MIR2052HG: variants seen among roughly 807,000 people sequenced by gnomAD.
The protein encoded by MIR2052HG is MIR2052 host gene.
chr8:74,682,781 T>G (rs185643321), intron 2 of MIR2052HG, among the ~76,000 whole-genome samples: 2 of 152,138 alleles, frequency 1.3e-5, no homozygotes, highest in African/African-American at 4.8e-5. Context: ...CGAGAAACTC[T>G]TGTTCATGTT....
chr8:74,662,663 T>A (rs1207957240), intron 2 of MIR2052HG, among the ~76,000 whole-genome samples: 1 of 152,212 alleles, frequency 6.6e-6, no homozygotes, highest in Non-Finnish European at 1.5e-5. Context: ...CCAAGGATAA[T>A]TGCTATTTAA....
intron 2 of MIR2052HG, among the ~76,000 whole-genome samples, chr8:74,673,446 T>C (rs1250722634): frequency 6.6e-6 from 1 of 152,024 alleles, no homozygotes; most frequent in African/African-American, 2.4e-5. Flanking sequence ...CCACTCCCAA[T>C]GTTGGCTGCC....
chr8:74,668,856 C>A (rs547325303), intron 2 of MIR2052HG, among the ~76,000 whole-genome samples: 1 of 152,156 alleles, frequency 6.6e-6, no homozygotes, highest in Admixed American at 6.5e-5. Flanking sequence ...AGAAGACTTG[C>A]GGAAGCTCAT....
At chr8:74,659,550 C>G (rs1808839799) in intron 2 of MIR2052HG, among the ~76,000 whole-genome samples, 2 of 152,096 alleles carry the variant, frequency 1.3e-5, no homozygotes, top group African/African-American at 2.4e-5. Context: ...AAGTGATTCT[C>G]TCACCTCAGC....
intron 1 of MIR2052HG, among the ~76,000 whole-genome samples, chr8:74,602,817 G>GTTTCTTTCTTTCTTTCTTTTCTTTCTTTC (rs1808024026): frequency 3.0e-4 from 22 of 73,786 alleles, no homozygotes; most frequent in Non-Finnish European, 3.3e-4. Context: ...GCCCGGCCGT[G>GTTTCTTTCTTTCTTTCTTTTCTTTCTTTC]TTTCTTTCTT....
At position 74,642,160 on chromosome 8, in the gene MIR2052HG, A is replaced by G. The variant is rs377741660; in HGVS notation, n.216+29220A>G. 2.0e-5 allele frequency among the ~76,000 whole-genome samples: 3 copies of G among 152,242 alleles called. No homozygotes were observed. The South Asian group carries it at 6.2e-4, about 32-fold the overall frequency. On this transcript the variant is annotated intron_variant and non_coding_transcript_variant, in intron 2 of 6. Coordinates refer to ENST00000523442, the Ensembl canonical transcript of MIR2052HG. The stretch of plus-strand genomic sequence containing the variant: ...GTCATTAAACTTGCTCAGGATTGCA[A>G]ATTGGTAAGTTGCTGTTGGAATTTG...
intron 2 of MIR2052HG, among the ~76,000 whole-genome samples, chr8:74,679,326 T>C (rs891542237): frequency 3.3e-5 from 5 of 152,066 alleles, no homozygotes; most frequent in African/African-American, 4.8e-5. Context: ...CTCCCACTTA[T>C]AAGTGACAAC....
intron 4 of MIR2052HG, among the ~76,000 whole-genome samples, chr8:74,725,840 G>A (rs990782109): frequency 1.3e-5 from 2 of 152,050 alleles, no homozygotes; most frequent in African/African-American, 4.8e-5. Flanking sequence ...TCAGAGTCGG[G>A]GTAAGTATTA....
intron 2 of MIR2052HG, among the ~76,000 whole-genome samples, chr8:74,646,584 G>A (rs1329510934): frequency 6.6e-6 from 1 of 152,080 alleles, no homozygotes; most frequent in Non-Finnish European, 1.5e-5. Flanking sequence ...AAAAAGATAT[G>A]TTTTATAGAC....
At chr8:74,687,220 A>G (rs768850632) in intron 2 of MIR2052HG, among the ~76,000 whole-genome samples, 3 of 152,184 alleles carry the variant, frequency 2.0e-5, no homozygotes, top group Admixed American at 6.5e-5. Context: ...ACTTCGAAGA[A>G]TTAGAACACT....
chr8:74,687,492 T>TA (rs1426434743), intron 2 of MIR2052HG, among the ~76,000 whole-genome samples: 6 of 152,058 alleles, frequency 3.9e-5, no homozygotes, highest in Non-Finnish European at 8.8e-5. Flanking sequence ...GGTATATACA[T>TA]ACAATGGAAT....
intron 2 of MIR2052HG, among the ~76,000 whole-genome samples, chr8:74,672,401 G>C (rs979187452): frequency 6.6e-6 from 1 of 152,086 alleles, no homozygotes; most frequent in Admixed American, 6.6e-5. Context: ...ATGGGTAAAA[G>C]GATATCATAG....
intron 1 of MIR2052HG, chr8:74,612,601 T>C (rs1428295479): frequency 7.1e-6 from 2 of 283,014 alleles, no homozygotes; most frequent in South Asian, 3.3e-5. Flanking sequence ...GCATGAGTTA[T>C]CATTTGGCTA....
chr8:74,600,332 C>T (rs1296925684), intron 1 of MIR2052HG, among the ~76,000 whole-genome samples: 6 of 150,726 alleles, frequency 4.0e-5, no homozygotes, highest in Admixed American at 4.0e-4. Context: ...CACCTGTAAT[C>T]CCAGCACTTT....
At chr8:74,608,310 TG>T (rs1808142612) in intron 1 of MIR2052HG, among the ~76,000 whole-genome samples, 1 of 152,040 alleles carries the variant, frequency 6.6e-6, no homozygotes, top group Admixed American at 6.6e-5. Context: ...AAATAGGGAA[TG>T]GGGGAAATGG....
intron 2 of MIR2052HG, among the ~76,000 whole-genome samples, chr8:74,624,066 C>T (rs73687180): frequency 0.013 from 1,932 of 152,252 alleles, 42 homozygotes; most frequent in African/African-American, 0.043. Flanking sequence ...AAAGAGCCAG[C>T]TTGTAATATT....
At chr8:74,670,235 T>G (rs1199049580) in intron 2 of MIR2052HG, among the ~76,000 whole-genome samples, 1 of 152,174 alleles carries the variant, frequency 6.6e-6, no homozygotes, top group Non-Finnish European at 1.5e-5. Context: ...ACCATCTGTC[T>G]TGCTCACTGC....
intron 2 of MIR2052HG, among the ~76,000 whole-genome samples, chr8:74,637,505 A>G (rs1317386207): frequency 6.6e-6 from 1 of 152,144 alleles, no homozygotes; most frequent in Non-Finnish European, 1.5e-5. Flanking sequence ...TCTTCAGAAA[A>G]ACACAGCCAA....
chr8:74,658,838 C>G (rs1418046622), intron 2 of MIR2052HG, among the ~76,000 whole-genome samples: 1 of 152,098 alleles, frequency 6.6e-6, no homozygotes, highest in Admixed American at 6.5e-5. Context: ...ATTTTATTGG[C>G]ATACATGTTT....
Sources: gnomAD v4.1 joint callset for allele counts (sites outside exome capture counted in the v4.1 genomes callset) on GRCh38, gnomAD v4.1.1 for gene constraint, MANE v1.5 for transcripts, NCBI Gene and HGNC (gene_info 2026-07-23, HGNC 2026-07-21) for gene names.